DEPTOR: variants seen among roughly 807,000 people sequenced by gnomAD.
The protein encoded by DEPTOR is DEP domain containing MTOR interacting protein, also known as DEP domain-containing mTOR-interacting protein.
Under a neutral mutation model 41.6 loss-of-function variants are expected in DEPTOR, and 41 were observed. The ratio of observed to expected loss-of-function variants is 0.98; its 90% CI spans 0.77 to 1.28. The LOEUF is 1.28. Ranked by LOEUF, DEPTOR falls within the 50% of genes most tolerant of loss-of-function variation. The pLI is 0.00. For synonymous variants in DEPTOR, 195 were observed against 192.3 expected (o/e 1.01, Z -0.12); for missense variants, 514 against 527.9 (o/e 0.97, Z 0.26).
At chr8:119,967,695 A>G (rs1331876745) in intron 4 of DEPTOR, among the ~76,000 whole-genome samples, 1 of 149,702 alleles carries the variant, frequency 6.7e-6, no homozygotes, top group Non-Finnish European at 1.5e-5. Context: ...TGGAGGTTGC[A>G]GTGAGCCAAG....
At chr8:120,015,246 T>G (rs1387729623) in intron 8 of DEPTOR, among the ~76,000 whole-genome samples, 1 of 152,246 alleles carries the variant, frequency 6.6e-6, no homozygotes, top group Non-Finnish European at 1.5e-5. Context: ...GGTTTTCTCC[T>G]GCCTAGGGCT....
At chr8:119,901,403 G>C (rs1014038188) in intron 1 of DEPTOR, among the ~76,000 whole-genome samples, 3 of 152,028 alleles carry the variant, frequency 2.0e-5, no homozygotes, top group Admixed American at 1.3e-4. Flanking sequence ...TCAGCCAGGC[G>C]TGGTGGCTCA....
At chr8:119,935,163 C>A (rs1418382307) in intron 3 of DEPTOR, among the ~76,000 whole-genome samples, 1 of 152,176 alleles carries the variant, frequency 6.6e-6, no homozygotes, top group Non-Finnish European at 1.5e-5. Flanking sequence ...TAAGGCATAG[C>A]ATTTTGTCTC....
chr8:119,947,204 C>T (rs1480215688), intron 3 of DEPTOR, among the ~76,000 whole-genome samples: 7 of 152,172 alleles, frequency 4.6e-5, no homozygotes, highest in African/African-American at 1.2e-4. Flanking sequence ...GCTACCTCTC[C>T]GGAGCCATGG....
chr8:119,936,444 G>A (rs1050881884), intron 3 of DEPTOR, among the ~76,000 whole-genome samples: 1 of 152,192 alleles, frequency 6.6e-6, no homozygotes, highest in Non-Finnish European at 1.5e-5. Flanking sequence ...AATTCACCTT[G>A]TCTGGCCTCT....
At chr8:119,948,192 T>A (rs150977353) in intron 3 of DEPTOR, among the ~76,000 whole-genome samples, 1 of 152,188 alleles carries the variant, frequency 6.6e-6, no homozygotes, top group Non-Finnish European at 1.5e-5. Context: ...AGTAGGCAAC[T>A]TAAGAGTAAG....
Position 119,933,453 on chromosome 8 carries a change from GACACAC to G in DEPTOR, c.425+3557_425+3562del, listed in dbSNP as rs35420959. The stretch of plus-strand genomic sequence containing the variant: ...GCCCCCTTTCTTTGAGACAGAGCAA[GACACAC>G]ACACACACACACACACACACACACA... On this transcript the variant is annotated intron_variant, in intron 3 of 8. Coordinates refer to ENST00000286234, the MANE Select transcript of DEPTOR (RefSeq NM_022783.4). Among the ~76,000 whole-genome samples, 578 of 124,560 alleles carry G rather than the reference GACACAC, an allele frequency of 4.6e-3. 3 individuals carry two copies. Among genetic ancestry groups the G allele is most frequent in the African/African-American group, 0.013 (423 of 32,826 alleles). 81.7% of individuals were successfully genotyped at this position (124,560 alleles called of 152,430 possible).
intron 4 of DEPTOR, among the ~76,000 whole-genome samples, chr8:119,966,427 G>A (rs749642866): frequency 6.6e-6 from 1 of 152,216 alleles, no homozygotes; most frequent in Non-Finnish European, 1.5e-5. Context: ...TAAGGGCCAA[G>A]AGAACACTTT....
chr8:119,953,460 A>ATAATC (rs1163806135), intron 3 of DEPTOR, among the ~76,000 whole-genome samples: 3 of 151,934 alleles, frequency 2.0e-5, no homozygotes, highest in Non-Finnish European at 2.9e-5. Flanking sequence ...GCACACGCCT[A>ATAATC]TAATCCTAGC....
Position 119,928,521 on chromosome 8 carries a change from A to G in DEPTOR, c.244A>G (p.Arg82Gly), listed in dbSNP as rs776303409. ...WLIEHKEASD[R>G]ETAIKLMQKL... ...GATTGAACACAAAGAGGCTTCTGAC[A>G]GAGAGACGGCAATTAAACTCATGCA... The change falls in exon 2 of 9, where the codon AGA becomes GGA. Residue 82 changes from arginine to glycine, a missense_variant. Arg to Gly is a moderately radical substitution (Grantham distance 125, BLOSUM62 -2). Coordinates refer to ENST00000286234, the MANE Select transcript of DEPTOR (RefSeq NM_022783.4). The G allele has an allele frequency of 6.2e-7, 1 of 1,614,218 alleles. No homozygotes were observed. The highest frequency in any genetic ancestry group is 1.1e-5 in the South Asian group (1 of 91,082).
At chr8:119,949,817 T>A (rs1828329947) in intron 3 of DEPTOR, among the ~76,000 whole-genome samples, 1 of 151,998 alleles carries the variant, frequency 6.6e-6, no homozygotes, top group African/African-American at 2.4e-5. Flanking sequence ...GTAGCTGGGA[T>A]TACAGGTGCA....
intron 8 of DEPTOR, among the ~76,000 whole-genome samples, chr8:120,032,173 T>C (rs1812900564): frequency 6.6e-6 from 1 of 151,744 alleles, no homozygotes; most frequent in South Asian, 2.1e-4. Flanking sequence ...CAGTTACTTA[T>C]ACTTTCCAAA....
At chr8:119,892,713 A>G (rs1827466780) in intron 1 of DEPTOR, among the ~76,000 whole-genome samples, 1 of 151,974 alleles carries the variant, frequency 6.6e-6, no homozygotes, top group Non-Finnish European at 1.5e-5. Context: ...CATGTTCACT[A>G]TTTGCTGAGT....
intron 3 of DEPTOR, among the ~76,000 whole-genome samples, chr8:119,937,231 C>G (rs975662370): frequency 6.6e-6 from 1 of 151,912 alleles, no homozygotes; most frequent in East Asian, 1.9e-4. Flanking sequence ...GAAACCCAGT[C>G]TCTACTAAAA....
At chr8:119,976,635 A>G (rs1369343827) in intron 4 of DEPTOR, among the ~76,000 whole-genome samples, 1 of 152,232 alleles carries the variant, frequency 6.6e-6, no homozygotes, top group Non-Finnish European at 1.5e-5. Context: ...TCCAGGAACC[A>G]GGAACTAGTG....
intron 3 of DEPTOR, among the ~76,000 whole-genome samples, chr8:119,959,158 CTTTTTTTTTTT>C (rs60202859): frequency 5.2e-5 from 6 of 114,870 alleles, no homozygotes; most frequent in African/African-American, 1.0e-4. Context: ...TTCTTTCTTT[CTTTTTTTTTTT>C]TTTTTTTTTT....
intron 6 of DEPTOR, among the ~76,000 whole-genome samples, chr8:120,003,866 T>G (rs1812393144): frequency 6.6e-6 from 1 of 152,190 alleles, no homozygotes. Context: ...CCATTGAAAC[T>G]ACCCTTTCTC....
intron 8 of DEPTOR, among the ~76,000 whole-genome samples, chr8:120,027,433 A>T (rs543862194): frequency 2.0e-5 from 3 of 151,838 alleles, no homozygotes; most frequent in Non-Finnish European, 1.5e-5. Context: ...GGCCGGGCTC[A>T]GTGGTTCACA....
intron 4 of DEPTOR, among the ~76,000 whole-genome samples, chr8:119,977,788 G>T (rs1419871756): frequency 2.6e-5 from 4 of 152,114 alleles, no homozygotes; most frequent in African/African-American, 4.8e-5. Flanking sequence ...TTTGAAAGAA[G>T]AGTGTTATGC....
Sources: allele counts gnomAD v4.1 joint callset (sites outside exome capture counted in the v4.1 genomes callset), GRCh38; gene constraint gnomAD v4.1.1; transcripts MANE v1.5; gene names NCBI Gene and HGNC (gene_info 2026-07-23, HGNC 2026-07-21).